The following TPX2 variants were observed in gnomAD, a reference collection of about 807,000 sequenced individuals.
TPX2 encodes targeting protein for Xklp2.
Under a neutral mutation model 93.6 loss-of-function variants are expected in TPX2, and 21 were observed. The ratio of observed to expected loss-of-function variants is 0.22; its 90% CI spans 0.16 to 0.32. TPX2 has a LOEUF of 0.32. TPX2 is among the 10% of genes least tolerant of loss of function. The pLI, the probability that TPX2 is intolerant of heterozygous loss-of-function variation, is 1.00. For synonymous variants in TPX2, 281 were observed against 298.3 expected, an observed-to-expected ratio of 0.94 and a Z score of 0.60; for missense variants, 776 against 871.1, an observed-to-expected ratio of 0.89 and a Z score of 1.37.
rs778912781 is a variant in TPX2 at position 31,783,784 on chromosome 20, C to T, written c.1276C>T (p.Pro426Ser). ...PILPKKPPVK[P>S]PTEPIGFDLE... Reference sequence around the variant, plus strand: ...CTTGCCCAAGAAACCACCTGTGAAACCACCCACCGAGCCTATTGGCTTTGA... The same window carrying T: ...CTTGCCCAAGAAACCACCTGTGAAATCACCCACCGAGCCTATTGGCTTTGA... The change falls in exon 12 of 18, where the codon CCA becomes TCA. Residue 426 changes from proline to serine, a missense_variant. By Grantham distance (74) the Pro-to-Ser change is moderately conservative. This residue lies in a region of TPX2 where 461 missense variants were observed against 551.2 expected (regional missense o/e 0.84). Coordinates refer to ENST00000300403, the MANE Select transcript of TPX2 (RefSeq NM_012112.5). The T allele has an allele frequency of 3.1e-6, 5 of 1,613,270 alleles. No individual in the cohort carries two copies. Among genetic ancestry groups the T allele is most frequent in the East Asian group, 4.5e-5 (2 of 44,846 alleles).
chr20:31,744,813 C>T (rs756383229), intron 2 of TPX2, among the ~76,000 whole-genome samples: 1 of 152,104 alleles, frequency 6.6e-6, no homozygotes, highest in Non-Finnish European at 1.5e-5. Flanking sequence ...TGGCCGGGCG[C>T]GGTGGCTCAC....
intron 4 of TPX2, among the ~76,000 whole-genome samples, chr20:31,760,472 A>C (rs1357930139): frequency 6.6e-6 from 1 of 151,838 alleles, no homozygotes; most frequent in Non-Finnish European, 1.5e-5. Context: ...CTGCAGCCTC[A>C]AACTCCTGAG....
rs1030378623 is a variant in TPX2 at position 31,794,602 on chromosome 20, C to T, written c.1833+54C>T. Reference sequence around the variant, plus strand: ...TTAATTGCTTGGTTGGTTGATTGTACAGGCAGACCCACCATACTGAAATCA... The same window carrying T: ...TTAATTGCTTGGTTGGTTGATTGTATAGGCAGACCCACCATACTGAAATCA... On this transcript the variant is annotated intron_variant, in intron 15 of 17. Coordinates refer to ENST00000300403, the MANE Select transcript of TPX2 (RefSeq NM_012112.5). The T allele has an allele frequency of 2.5e-6, 4 of 1,589,026 alleles. No homozygotes were observed. In the African/African-American group the frequency reaches 5.4e-5, roughly 21 times the overall value.
chr20:31,782,263 A>C lies in TPX2; in HGVS notation c.1069A>C (p.Lys357Gln). The change falls in exon 11 of 18, where the codon AAA becomes CAA. Residue 357 changes from lysine (K) to glutamine (Q), a missense_variant. Physicochemically the swap from Lys to Gln is moderately conservative, Grantham distance 53. Coordinates refer to ENST00000300403, the MANE Select transcript of TPX2 (RefSeq NM_012112.5). ...TCTGTTTACAGACCTGTTACCCTCC[A>C]AATCTTCTGTGACCAAGATTTGCAG... Reference protein sequence around the residue: ...KKDDINLLPSKSSVTKICRDP... With the variant: ...KKDDINLLPSQSSVTKICRDP... 1 of 1,611,986 alleles carries C rather than the reference A, an allele frequency of 6.2e-7. No homozygotes were observed. Among genetic ancestry groups the C allele is most frequent in the Non-Finnish European group, 8.5e-7 (1 of 1,179,230 alleles).
chr20:31,767,060 C>G (rs1328109392), intron 5 of TPX2, among the ~76,000 whole-genome samples: 1 of 152,056 alleles, frequency 6.6e-6, no homozygotes, highest in African/African-American at 2.4e-5. Context: ...CCTCAGCCTC[C>G]CAAACTGCTA....
chr20:31,790,489 T>C (rs1046452663), intron 12 of TPX2, among the ~76,000 whole-genome samples: 2 of 152,200 alleles, frequency 1.3e-5, no homozygotes, highest in African/African-American at 4.8e-5. Flanking sequence ...TTCTGAGTAG[T>C]CCAAGATAAT....
intron 2 of TPX2, among the ~76,000 whole-genome samples, chr20:31,754,328 G>A (rs1200854099): frequency 6.6e-6 from 1 of 152,008 alleles, no homozygotes; most frequent in Admixed American, 6.6e-5. Context: ...TGATCCTCCC[G>A]CCGCGTCCTC....
chr20:31,788,781 G>A (rs776891000), intron 12 of TPX2, among the ~76,000 whole-genome samples: 6 of 152,174 alleles, frequency 3.9e-5, no homozygotes, highest in Admixed American at 2.0e-4. Flanking sequence ...TTGGGCAGCC[G>A]GGGCACCACG....
At chr20:31,741,125 T>G (rs1214951410) in intron 1 of TPX2, among the ~76,000 whole-genome samples, 1 of 152,142 alleles carries the variant, frequency 6.6e-6, no homozygotes, top group Non-Finnish European at 1.5e-5. Context: ...CCAGGAGATG[T>G]TCAGGGCTCA....
In TPX2 at chr20:31,782,246, C is replaced by A. The variant is rs201478800; in HGVS notation, c.1055-3C>A. 1.2e-6 allele frequency: 2 copies of A among 1,606,076 alleles called. No individual in the cohort carries two copies. The highest frequency in any genetic ancestry group is 1.7e-6 in the Non-Finnish European group (2 of 1,176,986). ...GATGAACATCTGTCATCTCTGTTTA[C>A]AGACCTGTTACCCTCCAAATCTTCT... On this transcript the variant is annotated splice_region_variant and splice_polypyrimidine_tract_variant and intron_variant, in intron 10 of 17. Transcript: ENST00000300403.
At chr20:31,761,321 C>G (rs2061889246) in intron 4 of TPX2, among the ~76,000 whole-genome samples, 2 of 151,654 alleles carry the variant, frequency 1.3e-5, no homozygotes, top group Non-Finnish European at 2.9e-5. Flanking sequence ...CCTGCCTCAG[C>G]TGCCCAAGTA....
chr20:31,764,796 G>C (rs2061914066), intron 4 of TPX2, among the ~76,000 whole-genome samples: 1 of 152,148 alleles, frequency 6.6e-6, no homozygotes, highest in Non-Finnish European at 1.5e-5. Flanking sequence ...TCTCTGAAAT[G>C]AATAATGCCT....
intron 15 of TPX2, among the ~76,000 whole-genome samples, chr20:31,796,519 C>G (rs1014938766): frequency 1.3e-5 from 2 of 152,190 alleles, no homozygotes; most frequent in African/African-American, 4.8e-5. Context: ...AATCTTCTTT[C>G]AATCTATAGG....
Position 31,760,168 on chromosome 20 carries a change from C to G in TPX2, c.218C>G (p.Pro73Arg), listed in dbSNP as rs757768356. ...KANLQQAIVT[P>R]LKPVDNTYYK... ...AATCTTCAGCAAGCTATTGTCACAC[C>G]TTTGAAACCAGGTAAGAAAACATCT... Residue 73 changes from proline to arginine, a missense_variant, in exon 4 of 18, where the codon CCT (proline) becomes CGT (arginine). Physicochemically the swap from Pro to Arg is moderately radical, Grantham distance 103 (BLOSUM62 -2). Coordinates refer to ENST00000300403, the MANE Select transcript of TPX2 (RefSeq NM_012112.5). The G allele has an allele frequency of 1.9e-6, 3 of 1,613,554 alleles. No homozygotes were observed. Among genetic ancestry groups the G allele is most frequent in the Non-Finnish European group, 2.5e-6 (3 of 1,179,808 alleles).
intron 11 of TPX2, among the ~76,000 whole-genome samples, chr20:31,782,889 TACACACACACACACACACAC>T (rs71926112): frequency 1.5e-4 from 22 of 142,758 alleles, no homozygotes; most frequent in South Asian, 2.3e-4. Flanking sequence ...CATACACACA[TACACACACACACACACACAC>T]ACACACACAC....
chr20:31,783,993 G>A, intron 12 of TPX2, 72 bp downstream of exon 12: 2 of 1,520,778 alleles, frequency 1.3e-6, no homozygotes, highest in Non-Finnish European at 1.8e-6. Flanking sequence ...TCACACAAAA[G>A]TTTGGGTAGA....
chr20:31,801,285 G>A lies in TPX2; in HGVS notation c.*205G>A, dbSNP rs1268981825. Reference sequence around the variant, plus strand: ...CTTACATTACTAAGGCTAATAATGAGATGTAACTCATGAATGTCTCGATTA... The same window carrying A: ...CTTACATTACTAAGGCTAATAATGAAATGTAACTCATGAATGTCTCGATTA... On this transcript the variant is annotated 3_prime_UTR_variant, in exon 18 of 18. Coordinates refer to ENST00000300403, the MANE Select transcript of TPX2 (RefSeq NM_012112.5). 2 of 527,276 alleles carry A rather than the reference G, an allele frequency of 3.8e-6. No homozygotes were observed. Among genetic ancestry groups the A allele is most frequent in the African/African-American group, 3.8e-5 (2 of 52,346 alleles). The allele number at this position is 527,276 out of a possible 1,614,324, so 32.7% of individuals were successfully genotyped here.
intron 6 of TPX2, 129 bp from the exon 7 acceptor site, chr20:31,771,431 T>C: frequency 8.4e-7 from 1 of 1,184,740 alleles, no homozygotes; most frequent in Non-Finnish European, 1.1e-6. Flanking sequence ...GGAAGAATCA[T>C]GTGGTCGAAG....
chr20:31,761,890 C>T (rs2061893279), intron 4 of TPX2, among the ~76,000 whole-genome samples: 2 of 152,114 alleles, frequency 1.3e-5, no homozygotes, highest in African/African-American at 2.4e-5. Flanking sequence ...TAAGAGTTCT[C>T]CTTTCTCTGC....
Sources: allele counts gnomAD v4.1 joint callset (sites outside exome capture counted in the v4.1 genomes callset), GRCh38; gene constraint gnomAD v4.1.1; regional missense constraint gnomAD v4.1.1; transcripts MANE v1.5; gene names NCBI Gene and HGNC (gene_info 2026-07-23, HGNC 2026-07-21).